RPF2: variants seen among roughly 807,000 people sequenced by gnomAD.
RPF2 encodes ribosome production factor 2 homolog, also known as brix domain containing 1.
Under a neutral mutation model 38.9 loss-of-function variants are expected in RPF2, and 21 were observed. The ratio of observed to expected loss-of-function variants is 0.54; its 90% CI spans 0.38 to 0.78. The LOEUF is 0.78. Ranked by LOEUF, RPF2 falls within the 30% of genes least tolerant of loss-of-function variation. The probability of loss-of-function intolerance (pLI) is 0.00; values close to 1 mark genes in which losing one functional copy is unlikely to be tolerated. For synonymous variants in RPF2, 121 were observed against 126.2 expected (o/e 0.96, Z 0.28); for missense variants, 314 against 358.1 (o/e 0.88, Z 0.99).
In RPF2 at chr6:111,008,898, C is replaced by CTTTTT. The variant is rs57167034; in HGVS notation, c.493+775_493+779dup. On this transcript the variant is annotated intron_variant, in intron 7 of 9. Transcript: ENST00000441448. ...AAGCCCTCAGTGACCTTCCTGGCTC[C>CTTTTT]TTTTTTTTTTTTTTTTTTAAAGATA... Among the ~76,000 whole-genome samples, 99 of 120,424 alleles carry CTTTTT rather than the reference C, an allele frequency of 8.2e-4. 4 individuals carry two copies. The East Asian group carries it at 9.5e-3, about 12-fold the overall frequency. 79.0% of individuals were successfully genotyped at this position (120,424 alleles called of 152,430 possible). A position where few individuals can be genotyped will look rare whatever the true frequency, so the allele number is the denominator to read the frequency against.
chr6:111,017,664 G>T (rs1369276939), intron 8 of RPF2, among the ~76,000 whole-genome samples: 3 of 150,648 alleles, frequency 2.0e-5, no homozygotes, highest in Non-Finnish European at 4.4e-5. Context: ...GGGCGGCCGG[G>T]CAGAGACACT....
Position 111,027,580 on chromosome 6 carries a change from A to G in RPF2, c.*1998A>G, listed in dbSNP as rs1380290824. On this transcript the variant is annotated 3_prime_UTR_variant, in exon 10 of 10. Coordinates refer to ENST00000441448, the MANE Select transcript of RPF2 (RefSeq NM_032194.3). ...GCCATGCCTGGACCCCTCTATCAGG[A>G]AGACCTACCCCAGCACTACTGGAAA... 6.6e-6 allele frequency: 1 copy of G among 152,198 alleles called. No homozygotes were observed. The highest frequency in any genetic ancestry group is 1.5e-5 in the Non-Finnish European group (1 of 68,054). 9.4% of individuals were successfully genotyped at this position (152,198 alleles called of 1,614,324 possible).
In RPF2 at chr6:110,982,360, G is replaced by A. The variant is rs182688471; in HGVS notation, c.23+231G>A. On this transcript the variant is annotated intron_variant, in intron 1 of 9. Coordinates refer to ENST00000441448, the MANE Select transcript of RPF2 (RefSeq NM_032194.3). ...GGAGGGATGTGGGATTGAAGCGTTG[G>A]CCGCTTTTATCCTAGCCAGTTGAAA... 3.0e-4 allele frequency: 178 copies of A among 593,618 alleles called. 1 individual carries two copies. In the African/African-American group the frequency reaches 3.1e-3, roughly 10 times the overall value. The allele number at this position is 593,618 out of a possible 1,614,324, so 36.8% of individuals were successfully genotyped here.
chr6:110,989,620 T>G (rs539907659), intron 3 of RPF2, among the ~76,000 whole-genome samples: 2 of 150,726 alleles, frequency 1.3e-5, no homozygotes, highest in East Asian at 3.9e-4. Flanking sequence ...TGGCTAATTT[T>G]TGTGTGGTTT....
At chr6:111,010,318 G>T in intron 7 of RPF2, among the ~76,000 whole-genome samples, 1 of 151,668 alleles carries the variant, frequency 6.6e-6, no homozygotes. Context: ...AGAGATATGG[G>T]TCTCCCTGTA....
chr6:110,983,773 C>T (rs2114283626), intron 1 of RPF2, among the ~76,000 whole-genome samples: 1 of 150,156 alleles, frequency 6.7e-6, no homozygotes, highest in East Asian at 2.1e-4. Context: ...CGCCTGTAAT[C>T]CCAGCACTTT....
chr6:111,003,088 C>CG (rs1160737356), intron 6 of RPF2, among the ~76,000 whole-genome samples: 1 of 143,350 alleles, frequency 7.0e-6, no homozygotes, highest in Non-Finnish European at 1.5e-5. Context: ...TACCCCCCCC[C>CG]CTTTTTTTTT....
chr6:110,989,427 A>G (rs1446376521), intron 3 of RPF2, among the ~76,000 whole-genome samples: 2 of 152,160 alleles, frequency 1.3e-5, no homozygotes, highest in Non-Finnish European at 2.9e-5. Context: ...TAATCAAATG[A>G]CAGACATATT....
intron 8 of RPF2, among the ~76,000 whole-genome samples, chr6:111,018,690 G>A (rs1331631931): frequency 6.6e-6 from 1 of 151,978 alleles, no homozygotes; most frequent in Non-Finnish European, 1.5e-5. Context: ...CTGTTTTTCT[G>A]TTTTCCTCTC....
chr6:110,994,734 T>TATACACACAC (rs1436106936), intron 4 of RPF2, among the ~76,000 whole-genome samples: 23 of 134,136 alleles, frequency 1.7e-4, no homozygotes, highest in East Asian at 1.3e-3. Flanking sequence ...TGAGTATATA[T>TATACACACAC]ACACACACAC....
At chr6:110,999,981 A>C (rs1231776334) in intron 6 of RPF2, among the ~76,000 whole-genome samples, 194 bp downstream of exon 6, 6 of 152,194 alleles carry the variant, frequency 3.9e-5, no homozygotes, top group Non-Finnish European at 7.3e-5. Flanking sequence ...AGTGAATAGC[A>C]ACATATGTGG....
intron 8 of RPF2, among the ~76,000 whole-genome samples, chr6:111,016,221 T>G (rs1187461938): frequency 6.6e-6 from 1 of 152,174 alleles, no homozygotes; most frequent in Admixed American, 6.6e-5. Flanking sequence ...CTAAAAGGAA[T>G]AAGAAGATTC....
chr6:111,010,373 G>A (rs1404092619), intron 7 of RPF2, among the ~76,000 whole-genome samples: 1 of 152,078 alleles, frequency 6.6e-6, no homozygotes. Flanking sequence ...CAATCCACCT[G>A]CCTCAGCTTT....
intron 7 of RPF2, among the ~76,000 whole-genome samples, chr6:111,012,350 C>A (rs1399232075): frequency 1.3e-5 from 2 of 151,626 alleles, no homozygotes; most frequent in African/African-American, 4.8e-5. Flanking sequence ...TTTTTTATTT[C>A]TTGTAGACAT....
At chr6:110,984,914 T>TA in intron 1 of RPF2, 92 bp from the exon 2 acceptor site, 1 of 1,321,324 alleles carries the variant, frequency 7.6e-7, no homozygotes, top group South Asian at 1.5e-5. Flanking sequence ...AAGTGACAAA[T>TA]ATGTTTTTAA....
intron 9 of RPF2, 105 bp from the exon 10 acceptor site, chr6:111,025,298 C>T: frequency 1.4e-6 from 1 of 696,854 alleles, no homozygotes; most frequent in Non-Finnish European, 2.4e-6. Flanking sequence ...ACTGAAGGGG[C>T]AGGCACTAAT....
At chr6:111,020,902 C>T (rs751608566) in intron 8 of RPF2, among the ~76,000 whole-genome samples, 2 of 152,096 alleles carry the variant, frequency 1.3e-5, no homozygotes, top group Non-Finnish European at 2.9e-5. Flanking sequence ...CACGGTGGCT[C>T]ATCCCTGTAA....
At chr6:110,996,841 C>A (rs996494511) in intron 4 of RPF2, among the ~76,000 whole-genome samples, 2 of 151,968 alleles carry the variant, frequency 1.3e-5, no homozygotes, top group Non-Finnish European at 2.9e-5. Context: ...TTACTCTGTT[C>A]CCCAGGTTGG....
At chr6:110,994,587 CA>C (rs911291487) in intron 4 of RPF2, among the ~76,000 whole-genome samples, 1 of 149,850 alleles carries the variant, frequency 6.7e-6, no homozygotes, top group South Asian at 2.1e-4. Context: ...CCTTGTCTCA[CA>C]AAAAAAAGAA....
Sources: allele counts gnomAD v4.1 joint callset (sites outside exome capture counted in the v4.1 genomes callset), GRCh38; gene constraint gnomAD v4.1.1; transcripts MANE v1.5; gene names NCBI Gene and HGNC (gene_info 2026-07-23, HGNC 2026-07-21).